UNC80: variants seen among roughly 807,000 people sequenced by gnomAD.
UNC80 encodes the protein protein unc-80 homolog.
A neutral mutation model predicts 384.6 loss-of-function variants in UNC80; 164 were observed. The observed-to-expected ratio is 0.43, with a 90% CI of 0.38 to 0.49. The LOEUF (loss-of-function observed/expected upper bound fraction) is 0.49. Among genes scored for constraint, UNC80 ranks in the 20% least tolerant of loss-of-function variants. UNC80 has a pLI of 0.00. For synonymous variants in UNC80, 1,486 were observed against 1,527.8 expected, an observed-to-expected ratio of 0.97 and a Z score of 0.64; for missense variants, 3,330 against 4,143.0, an observed-to-expected ratio of 0.80 and a Z score of 5.39.
intron 23 of UNC80, among the ~76,000 whole-genome samples, chr2:209,875,953 A>G (rs2084746311): frequency 6.6e-6 from 1 of 152,150 alleles, no homozygotes. Flanking sequence ...GTGAATTCTG[A>G]GATTTTAATG....
At chr2:209,852,960 TGTAGATATGTTAG>T (rs2082637198) in intron 22 of UNC80, among the ~76,000 whole-genome samples, 1 of 152,050 alleles carries the variant, frequency 6.6e-6, no homozygotes, top group South Asian at 2.1e-4. Context: ...TAAACATAGA[TGTAGATATGTTAG>T]GTAGATATGC....
At chr2:209,914,031 T>C in intron 31 of UNC80, 91 bp downstream of exon 31, 1 of 1,430,088 alleles carries the variant, frequency 7.0e-7, no homozygotes, top group East Asian at 2.5e-5. Context: ...CATTCTATTT[T>C]TGCTCCTAGG....
At chr2:209,837,147 G>T (rs539331432) in intron 18 of UNC80, among the ~76,000 whole-genome samples, 46 of 152,272 alleles carry the variant, frequency 3.0e-4, no homozygotes, top group Admixed American at 1.5e-3. Flanking sequence ...ACTCTGATGA[G>T]ATTTTAAGAA....
At position 209,995,545 on chromosome 2, in the gene UNC80, C is replaced by A. The variant is rs1373731158; in HGVS notation, c.9925C>A (p.Pro3309Thr). The change falls in exon 65 of 65, where the codon CCC (proline) becomes ACC (threonine). Residue 3309 changes from proline to threonine, a missense_variant. This residue lies in a region of UNC80 where 236 missense variants were observed against 254.9 expected (regional missense o/e 0.93). Coordinates refer to ENST00000673920, the MANE Select transcript of UNC80 (RefSeq NM_001371986.1). Reference protein sequence around the residue: ...PLLSSQFTFTPTELGKTDAVL... With the variant: ...PLLSSQFTFTTTELGKTDAVL... ...ACTATCTAGTCAGTTCACCTTTACT[C>A]CCACTGAGCTGGGGAAAACGGATGC... is the stretch of plus-strand genomic sequence containing the variant. 6.4e-7 allele frequency: 1 copy of A among 1,551,916 alleles called. No individual in the cohort carries two copies. The highest frequency in any genetic ancestry group is 8.7e-7 in the Non-Finnish European group (1 of 1,147,080).
chr2:209,871,511 A>T (rs986873596), intron 22 of UNC80, among the ~76,000 whole-genome samples: 1 of 152,228 alleles, frequency 6.6e-6, no homozygotes, highest in African/African-American at 2.4e-5. Flanking sequence ...TGTTAAGAAT[A>T]CTACTGCTTA....
intron 14 of UNC80, among the ~76,000 whole-genome samples, chr2:209,828,504 C>CT (rs1012464081): frequency 6.3e-4 from 94 of 149,908 alleles, no homozygotes; most frequent in Non-Finnish European, 8.6e-4. Flanking sequence ...CTTTTATAAT[C>CT]TTTTTTTTTT....
intron 38 of UNC80, among the ~76,000 whole-genome samples, chr2:209,931,332 T>C (rs1042348068): frequency 6.6e-6 from 1 of 151,564 alleles, no homozygotes; most frequent in Admixed American, 6.6e-5. Context: ...GTTCTTTTAG[T>C]ATTTTTTCCT....
intron 16 of UNC80, 22 bp downstream of exon 16, chr2:209,831,613 C>G: frequency 6.6e-7 from 1 of 1,511,760 alleles, no homozygotes; most frequent in Non-Finnish European, 8.9e-7. Flanking sequence ...TCCTCTCTTC[C>G]CACAGGAGCT....
chr2:209,844,767 CA>C lies in UNC80; in HGVS notation c.3454+2322del, dbSNP rs1574705698. On this transcript the variant is annotated intron_variant, in intron 21 of 64. Coordinates refer to ENST00000673920, the MANE Select transcript of UNC80 (RefSeq NM_001371986.1). ...ACCATGCCCCACTAAATTTGTTTTA[CA>C]TTTTTTGTAGAGATGGGGGTGGGGG... Among the ~76,000 whole-genome samples, 9 of 149,542 alleles carry C rather than the reference CA, an allele frequency of 6.0e-5. No individual in the cohort carries two copies. The East Asian group carries it at 1.6e-3, about 26-fold the overall frequency.
intron 48 of UNC80, among the ~76,000 whole-genome samples, chr2:209,956,643 A>G (rs1458468802): frequency 3.3e-5 from 5 of 152,142 alleles, no homozygotes; most frequent in African/African-American, 1.2e-4. Context: ...GGTTAGTTAC[A>G]TATGTATACA....
Position 209,926,820 on chromosome 2 carries a change from C to A in UNC80, c.5663-23C>A, listed in dbSNP as rs943178598. The A allele has an allele frequency of 2.6e-6, 4 of 1,551,334 alleles. No individual in the cohort carries two copies. In the Admixed American group the frequency reaches 5.9e-5, roughly 23 times the overall value. The stretch of plus-strand genomic sequence containing the variant: ...AGAATTACGTTACTGAGAAAAGCAC[C>A]CTGATTTTGTCTCCCATTTTAGATG... On this transcript the variant is annotated intron_variant, in intron 35 of 64. Coordinates refer to ENST00000673920, the MANE Select transcript of UNC80 (RefSeq NM_001371986.1).
At chr2:209,796,852 C>T (rs984680587) in intron 7 of UNC80, among the ~76,000 whole-genome samples, 7 of 152,104 alleles carry the variant, frequency 4.6e-5, no homozygotes, top group Admixed American at 1.3e-4. Context: ...AGCGTGAAAA[C>T]GAACTAATAC....
intron 43 of UNC80, among the ~76,000 whole-genome samples, chr2:209,941,012 G>C (rs983856713): frequency 1.3e-5 from 2 of 152,168 alleles, no homozygotes; most frequent in Admixed American, 6.5e-5. Flanking sequence ...CCCACAGTTA[G>C]TTAAAGAGGT....
rs778945720 is a variant in UNC80, at chr2:209,789,521, C to T, written c.725-11C>T. 7 of 1,601,956 alleles carry T rather than the reference C, an allele frequency of 4.4e-6. No homozygotes were observed. Among genetic ancestry groups the T allele is most frequent in the African/African-American group, 4.0e-5 (3 of 74,522 alleles). ...CCTTACAAAACGATGGAACTTCTTC[C>T]GTCTTTTCAGCTAAGAGAAGTTCTC... On this transcript the variant is annotated splice_polypyrimidine_tract_variant and intron_variant, in intron 5 of 64. Coordinates refer to ENST00000673920, the MANE Select transcript of UNC80 (RefSeq NM_001371986.1).
At chr2:209,876,457 G>T (rs542633092) in intron 23 of UNC80, among the ~76,000 whole-genome samples, 1 of 152,298 alleles carries the variant, frequency 6.6e-6, no homozygotes, top group South Asian at 2.1e-4. Context: ...GAGACATAGA[G>T]ATCTAAATTA....
At chr2:209,873,730 G>C (rs550395376) in intron 23 of UNC80, among the ~76,000 whole-genome samples, 54 of 152,200 alleles carry the variant, frequency 3.5e-4, no homozygotes, top group Admixed American at 8.5e-4. Context: ...AAGATTACTT[G>C]GAATAACTGT....
chr2:209,788,035 G>A (rs996641718), intron 5 of UNC80, among the ~76,000 whole-genome samples: 2 of 152,256 alleles, frequency 1.3e-5, no homozygotes, highest in Non-Finnish European at 2.9e-5. Flanking sequence ...GGTAGGCCTA[G>A]GCTAATGTGT....
At position 209,926,879 on chromosome 2, in the gene UNC80, A is replaced by C; in HGVS notation, c.5699A>C (p.His1900Pro). ...ACCACTGAACACACGCCGAACCACC[A>C]TGTGCCTCAGCCCCCACAAGCAGTG... is the stretch of plus-strand genomic sequence containing the variant. The part of the protein sequence containing the change: ...EHTTEHTPNH[H>P]VPQPPQAVFP... Residue 1900 changes from histidine to proline, a missense_variant, in exon 36 of 65, where the codon CAT becomes CCT. Coordinates refer to ENST00000673920, the MANE Select transcript of UNC80 (RefSeq NM_001371986.1). 2 of 1,552,236 alleles carry C rather than the reference A, an allele frequency of 1.3e-6. No homozygotes were observed. Among genetic ancestry groups the C allele is most frequent in the Non-Finnish European group, 1.7e-6 (2 of 1,147,080 alleles).
intron 52 of UNC80, 111 bp from the exon 53 acceptor site, chr2:209,969,657 T>A: frequency 7.1e-7 from 1 of 1,417,336 alleles, no homozygotes; most frequent in Middle Eastern, 2.5e-4. Context: ...GTAAACTTCA[T>A]CCCAGAGACA....
Sources: gnomAD v4.1 joint callset for allele counts (sites outside exome capture counted in the v4.1 genomes callset) on GRCh38, gnomAD v4.1.1 for gene constraint, gnomAD v4.1.1 regional missense constraint, MANE v1.5 for transcripts, NCBI Gene and HGNC (gene_info 2026-07-23, HGNC 2026-07-21) for gene names.